Variants in CAMLG observed in about 807,000 individuals in gnomAD.
CAMLG encodes calcium modulating ligand.
Under a neutral mutation model 28.9 loss-of-function variants are expected in CAMLG, and 23 were observed. That is an observed-to-expected ratio of 0.80 (90% CI 0.57 to 1.13). CAMLG has a LOEUF of 1.13. Among genes scored for constraint, CAMLG ranks in the 50% most tolerant of loss-of-function variants. The probability of loss-of-function intolerance (pLI) is 0.00; values close to 1 mark genes in which losing one functional copy is unlikely to be tolerated. For missense variants in CAMLG, 367 were observed against 371.9 expected (o/e 0.99, Z 0.11); for synonymous variants, 141 against 146.5 (o/e 0.96, Z 0.27).
At chr5:134,745,481 C>T (rs1389894206) in intron 3 of CAMLG, among the ~76,000 whole-genome samples, 3 of 148,562 alleles carry the variant, frequency 2.0e-5, no homozygotes, top group Admixed American at 1.3e-4. Flanking sequence ...GGCTGGGCGC[C>T]GTGGCTCACG....
In CAMLG at chr5:134,738,733, T is replaced by C. The variant is rs531402508; in HGVS notation, c.113T>C (p.Met38Thr). The change falls in exon 1 of 4, where the codon ATG becomes ACG. Residue 38 changes from methionine (M) to threonine (T), a missense_variant. By Grantham distance (81) the Met-to-Thr change is moderately conservative. Transcript: ENST00000297156. The part of the protein sequence containing the change: ...RAELRRRKLL[M>T]NSEQRINRIM... The stretch of plus-strand genomic sequence containing the variant: ...GAGCTGCGTCGGAGAAAGCTGCTCA[T>C]GAACTCGGAACAGCGCATCAACCGG... The C allele has an allele frequency of 3.1e-6, 5 of 1,613,940 alleles. No homozygotes were observed. The highest frequency in any genetic ancestry group is 1.1e-5 in the South Asian group (1 of 91,078).
rs762477141 is a variant in CAMLG at position 134,741,121 on chromosome 5, C to T, written c.231C>T (p.Ser77=). ...QQDSDKLNSL[S]VPSVSKRVVL... Reference sequence around the variant, plus strand: ...ACAGTGATAAACTGAACTCCCTCAGCGTTCCTTCCGTTTCAAAGCGAGTAG... The same window carrying T: ...ACAGTGATAAACTGAACTCCCTCAGTGTTCCTTCCGTTTCAAAGCGAGTAG... Residue 77 remains serine (S), a synonymous_variant, in exon 2 of 4, where the codon AGC becomes AGT. Transcript: ENST00000297156. 8 of 1,613,924 alleles carry T rather than the reference C, an allele frequency of 5.0e-6. No homozygotes were observed. The highest frequency in any genetic ancestry group is 4.4e-5 in the South Asian group (4 of 91,088).
At chr5:134,748,469 C>T (rs181707126) in intron 3 of CAMLG, among the ~76,000 whole-genome samples, 6 of 152,174 alleles carry the variant, frequency 3.9e-5, no homozygotes, top group Non-Finnish European at 7.4e-5. Context: ...ACCCAGAAGG[C>T]GGAGGTTGCA....
intron 3 of CAMLG, among the ~76,000 whole-genome samples, chr5:134,746,253 A>C (rs559816368): frequency 6.6e-6 from 1 of 152,242 alleles, no homozygotes; most frequent in African/African-American, 2.4e-5. Flanking sequence ...CAAAATTCAG[A>C]ATAGAATCTA....
At position 134,741,470 on chromosome 5, in the gene CAMLG, G is replaced by A; in HGVS notation, c.580G>A (p.Val194Met). 6.2e-7 allele frequency: 1 copy of A among 1,614,064 alleles called. No individual in the cohort carries two copies. The change falls in exon 2 of 4, where the codon GTG becomes ATG. Residue 194 changes from valine to methionine, a missense_variant. Transcript: ENST00000297156. ...TGACTCTTTTCGAATATTTAGATTG[G>A]TGGGATGTGCTCTTCTTGCTCTTGG... ...EFDSFRIFRL[V>M]GCALLALGVR...
intron 3 of CAMLG, among the ~76,000 whole-genome samples, chr5:134,746,385 T>C (rs1397979950): frequency 1.3e-5 from 2 of 152,128 alleles, no homozygotes; most frequent in African/African-American, 2.4e-5. Flanking sequence ...ATGTGTGTGA[T>C]AGAGATGTAT....
At chr5:134,746,647 T>C (rs1753053515) in intron 3 of CAMLG, among the ~76,000 whole-genome samples, 1 of 152,032 alleles carries the variant, frequency 6.6e-6, no homozygotes, top group Non-Finnish European at 1.5e-5. Context: ...CACTTAATTT[T>C]TGTATTTTTA....
chr5:134,747,375 C>G (rs1431225071), intron 3 of CAMLG, among the ~76,000 whole-genome samples: 2 of 151,164 alleles, frequency 1.3e-5, no homozygotes, highest in Non-Finnish European at 2.9e-5. Flanking sequence ...TTTTTTGAGA[C>G]GAGGCTTGCT....
In CAMLG at chr5:134,750,913, A is replaced by G; in HGVS notation, c.854A>G (p.His285Arg). The G allele has an allele frequency of 1.9e-6, 3 of 1,613,880 alleles. No homozygotes were observed. The highest frequency in any genetic ancestry group is 2.5e-6 in the Non-Finnish European group (3 of 1,179,952). Residue 285 changes from histidine to arginine, a missense_variant, in exon 4 of 4, where the codon CAT becomes CGT. Coordinates refer to ENST00000297156, the MANE Select transcript of CAMLG (RefSeq NM_001745.4). ...TACTTTTTCACTTTTATCTTTTGTC[A>G]TGAACTGCTTGATTATTGGGGCTCT... is the stretch of plus-strand genomic sequence containing the variant. ...CVYFFTFIFC[H>R]ELLDYWGSEV... is the part of the protein sequence containing the mutation.
In CAMLG at chr5:134,738,594, C is replaced by A; in HGVS notation, c.-27C>A. The A allele has an allele frequency of 6.4e-7, 1 of 1,562,034 alleles. No individual in the cohort carries two copies. Among genetic ancestry groups the A allele is most frequent in the Non-Finnish European group, 8.6e-7 (1 of 1,156,658 alleles). ...CGGCGGCCAACATCACCGCCACTGC[C>A]ACCCCTCCCAGACTGTGGACGGGAG... On this transcript the variant is annotated 5_prime_UTR_variant, in exon 1 of 4. Coordinates refer to ENST00000297156, the MANE Select transcript of CAMLG (RefSeq NM_001745.4).
intron 1 of CAMLG, among the ~76,000 whole-genome samples, chr5:134,739,754 C>T (rs548058290): frequency 1.3e-5 from 2 of 152,250 alleles, no homozygotes; most frequent in South Asian, 4.1e-4. Context: ...ATTTCAAATT[C>T]TTCTAGAACA....
chr5:134,740,935 C>T (rs1226765334), intron 1 of CAMLG, 128 bp from the exon 2 acceptor site: 10 of 667,374 alleles, frequency 1.5e-5, no homozygotes, highest in Admixed American at 8.6e-5. Context: ...AATGCAGAAT[C>T]GGTATTTATT....
chr5:134,750,190 A>G (rs73297370), intron 3 of CAMLG, among the ~76,000 whole-genome samples: 3,490 of 152,242 alleles, frequency 0.023, 64 homozygotes, highest in African/African-American at 0.056. Context: ...TGTTGTATAT[A>G]TCATAAATTG....
intron 2 of CAMLG, among the ~76,000 whole-genome samples, chr5:134,742,368 G>A (rs1752995615): frequency 6.6e-6 from 1 of 152,168 alleles, no homozygotes; most frequent in Non-Finnish European, 1.5e-5. Flanking sequence ...CTACTAAGCG[G>A]TGCTAGGATT....
At chr5:134,746,807 G>A (rs927595542) in intron 3 of CAMLG, among the ~76,000 whole-genome samples, 1 of 150,610 alleles carries the variant, frequency 6.6e-6, no homozygotes, top group African/African-American at 2.4e-5. Context: ...ACAAAAGTTG[G>A]CCAGGCGTGG....
In CAMLG at chr5:134,750,757, A is replaced by G. The variant is rs1281821944; in HGVS notation, c.700-2A>G. 1 of 1,605,078 alleles carries G rather than the reference A, an allele frequency of 6.2e-7. No homozygotes were observed. Among genetic ancestry groups the G allele is most frequent in the African/African-American group, 1.3e-5 (1 of 74,698 alleles). On this transcript the variant is annotated splice_acceptor_variant, in intron 3 of 3. Coordinates refer to ENST00000297156, the MANE Select transcript of CAMLG (RefSeq NM_001745.4). LOFTEE classifies it high-confidence loss of function. ...GATTAATTTGAGTCTTTCTCTACACAGAGTGAAAAGAAGATAAAGACAACA... is the reference window on the plus strand; with the variant it reads ...GATTAATTTGAGTCTTTCTCTACACGGAGTGAAAAGAAGATAAAGACAACA...
intron 3 of CAMLG, among the ~76,000 whole-genome samples, 194 bp downstream of exon 3, chr5:134,744,246 G>C (rs553933576): frequency 6.6e-6 from 1 of 152,064 alleles, no homozygotes; most frequent in Non-Finnish European, 1.5e-5. Flanking sequence ...GTAATTGGCC[G>C]GGCGCAGTGG....
At chr5:134,743,141 C>A (rs1037966290) in intron 2 of CAMLG, among the ~76,000 whole-genome samples, 1 of 152,160 alleles carries the variant, frequency 6.6e-6, no homozygotes, top group Admixed American at 6.5e-5. Context: ...CTGCCTCAGC[C>A]TTCTGCATAG....
At position 134,750,903 on chromosome 5, in the gene CAMLG, A is replaced by T; in HGVS notation, c.844A>T (p.Ile282Phe). The change falls in exon 4 of 4, where the codon ATC becomes TTC. Residue 282 changes from isoleucine to phenylalanine, a missense_variant. By Grantham distance (21) the Ile-to-Phe change is conservative. Coordinates refer to ENST00000297156, the MANE Select transcript of CAMLG (RefSeq NM_001745.4). ...TCTCTGTGTCTACTTTTTCACTTTT[A>T]TCTTTTGTCATGAACTGCTTGATTA... ...TDLCVYFFTF[I>F]FCHELLDYWG... 6.2e-7 allele frequency: 1 copy of T among 1,613,952 alleles called. No homozygotes were observed.
Sources: gnomAD v4.1 joint callset for allele counts (sites outside exome capture counted in the v4.1 genomes callset) on GRCh38, gnomAD v4.1.1 for gene constraint, MANE v1.5 for transcripts, NCBI Gene and HGNC (gene_info 2026-07-23, HGNC 2026-07-21) for gene names.